Variants in DAPK1 observed in about 807,000 individuals in gnomAD.
DAPK1 encodes death associated protein kinase 1, also known as death-associated protein kinase 1.
Under a neutral mutation model 144.9 loss-of-function variants are expected in DAPK1, and 56 were observed. The ratio of observed to expected loss-of-function variants is 0.39; its 90% CI spans 0.31 to 0.48. The LOEUF (loss-of-function observed/expected upper bound fraction) is 0.48. DAPK1 is among the 20% of genes least tolerant of loss of function. The pLI, the probability that DAPK1 is intolerant of heterozygous loss-of-function variation, is 0.95. For missense variants in DAPK1, 1,454 were observed against 1,875.4 expected (o/e 0.78, Z 4.15); for synonymous variants, 690 against 749.0 (o/e 0.92, Z 1.29).
chr9:87,648,525 A>G (rs992604795), intron 14 of DAPK1: 2 of 433,968 alleles, frequency 4.6e-6, no homozygotes, highest in African/African-American at 3.9e-5. Flanking sequence ...TATCATGGAA[A>G]AGGGAGAGCC....
At chr9:87,571,498 AACACAC>A (rs768913480) in intron 2 of DAPK1, among the ~76,000 whole-genome samples, 5 of 46,504 alleles carry the variant, frequency 1.1e-4, no homozygotes, top group African/African-American at 1.9e-4. Flanking sequence ...CACACACCCC[AACACAC>A]ACACACACAC....
chr9:87,629,029 C>G (rs1475236371), intron 3 of DAPK1, among the ~76,000 whole-genome samples: 3 of 152,128 alleles, frequency 2.0e-5, no homozygotes, highest in Non-Finnish European at 4.4e-5. Context: ...ATTGGATACT[C>G]CCCCACAAAA....
chr9:87,647,299 C>G lies in DAPK1; in HGVS notation c.1231-6C>G, dbSNP rs76063532. 5,047 of 1,613,678 alleles carry G rather than the reference C, an allele frequency of 3.1e-3. 134 individuals carry two copies. The African/African-American group carries it at 0.053, about 17-fold the overall frequency. Reference sequence around the variant, plus strand: ...GAAATGTGACCCCAGGTTGATTTTCCTGCAGGGCGGGTCCAATGCCGTCTA... The same window carrying G: ...GAAATGTGACCCCAGGTTGATTTTCGTGCAGGGCGGGTCCAATGCCGTCTA... On this transcript the variant is annotated splice_region_variant and splice_polypyrimidine_tract_variant and intron_variant, in intron 13 of 25. Coordinates refer to ENST00000408954, the MANE Select transcript of DAPK1 (RefSeq NM_004938.4).
At chr9:87,555,326 A>AT in intron 2 of DAPK1, among the ~76,000 whole-genome samples, 1 of 152,304 alleles carries the variant, frequency 6.6e-6, no homozygotes, top group East Asian at 1.9e-4. Flanking sequence ...CTTAAGCAAC[A>AT]TATCTGCCCT....
At chr9:87,620,598 G>GGGGAGGAGGAGGACCGGGAATAGGACA (rs1829260490) in intron 3 of DAPK1, among the ~76,000 whole-genome samples, 1 of 151,626 alleles carries the variant, frequency 6.6e-6, no homozygotes, top group Admixed American at 6.6e-5. Context: ...GGAGGAGGAA[G>GGGGAGGAGGAGGACCGGGAATAGGACA]GGGAGGAGGA....
chr9:87,512,482 G>T (rs754521574), intron 2 of DAPK1, among the ~76,000 whole-genome samples: 1 of 152,138 alleles, frequency 6.6e-6, no homozygotes, highest in Non-Finnish European at 1.5e-5. Context: ...GCCAAGAAAA[G>T]CCCATTAGGT....
chr9:87,585,281 C>T, intron 2 of DAPK1, among the ~76,000 whole-genome samples: 1 of 152,196 alleles, frequency 6.6e-6, no homozygotes, highest in Non-Finnish European at 1.5e-5. Flanking sequence ...AATCTTGATG[C>T]TTGCCCTTTT....
intron 2 of DAPK1, among the ~76,000 whole-genome samples, chr9:87,604,544 T>G (rs1024666508): frequency 6.6e-6 from 1 of 152,130 alleles, no homozygotes; most frequent in African/African-American, 2.4e-5. Context: ...CAGGACTTCA[T>G]ATATATTTTT....
chr9:87,607,924 G>A (rs1465561796), intron 3 of DAPK1, among the ~76,000 whole-genome samples: 1 of 152,170 alleles, frequency 6.6e-6, no homozygotes, highest in African/African-American at 2.4e-5. Context: ...TCTGCAGGCT[G>A]TACAGGAAGC....
rs1403884716 is a variant in DAPK1 at position 87,707,227 on chromosome 9, C to T, written c.4156C>T (p.Arg1386Trp). 4.3e-6 allele frequency: 7 copies of T among 1,614,138 alleles called. No homozygotes were observed. Among genetic ancestry groups the T allele is most frequent in the East Asian group, 2.2e-5 (1 of 44,876 alleles). Residue 1386 changes from arginine (R) to tryptophan (W), a missense_variant, in exon 26 of 26, where the codon CGG (arginine) becomes TGG (tryptophan). Physicochemically the swap from Arg to Trp is moderately radical, Grantham distance 101. This residue lies in a region of DAPK1 where 1,025 missense variants were observed against 1,237.9 expected (regional missense o/e 0.83). Transcript: ENST00000408954. The surrounding 1 kb of genome is among the most constrained non-coding windows in gnomAD (Gnocchi z 4.0). ...GTCCAAACTGAGGGAGCTGGGTCGC[C>T]GGGATGCCGCAGACTTTTTGCTGAA... is the stretch of plus-strand genomic sequence containing the variant. ...LMSKLRELGR[R>W]DAADFLLKAS...
chr9:87,662,310 T>A (rs1423766150), intron 18 of DAPK1, among the ~76,000 whole-genome samples: 1 of 152,216 alleles, frequency 6.6e-6, no homozygotes, highest in Non-Finnish European at 1.5e-5. Context: ...TTAGGACCTT[T>A]TGTGGTTTCA....
chr9:87,676,388 C>T (rs11141941), intron 19 of DAPK1, among the ~76,000 whole-genome samples: 11,845 of 152,306 alleles, frequency 0.078, 591 homozygotes, highest in East Asian at 0.13. Context: ...GGAGAGGCCT[C>T]TGCGCCACAA....
rs747289073 is a variant in DAPK1, at chr9:87,703,054, G to A, written c.2897G>A (p.Cys966Tyr). The change falls in exon 25 of 26, where the codon TGT becomes TAT. Residue 966 changes from cysteine to tyrosine, a missense_variant. Around this residue, in one of 2 missense-constraint regions of DAPK1, gnomAD observed 1,025 missense variants for 1,237.9 expected, o/e 0.83. Transcript: ENST00000408954. Reference sequence around the variant, plus strand: ...GTCTGTCCTCCCATGACTCACCTGTGTGAGAAAATCATCTCCACGCTGCCT... The same window carrying A: ...GTCTGTCCTCCCATGACTCACCTGTATGAGAAAATCATCTCCACGCTGCCT... ...VSVCPPMTHL[C>Y]EKIISTLPSW... The A allele has an allele frequency of 1.9e-6, 3 of 1,593,910 alleles. No individual in the cohort carries two copies. In the Admixed American group the frequency reaches 5.0e-5, roughly 27 times the overall value.
chr9:87,553,242 G>A (rs904435069), intron 2 of DAPK1, among the ~76,000 whole-genome samples: 1 of 140,486 alleles, frequency 7.1e-6, no homozygotes, highest in Admixed American at 7.0e-5. Context: ...TGTCTGTCAT[G>A]TGGGGGGGGT....
Position 87,707,477 on chromosome 9 carries a change from G to A in DAPK1, c.*113G>A. ...GTGTTTCTTCCTGCACCCACAGCCA[G>A]GGGGATGCCACTCCTCCCTCCGGCT... On this transcript the variant is annotated 3_prime_UTR_variant, in exon 26 of 26. Transcript: ENST00000408954. This position sits in a 1 kb window ranked among gnomAD's most constrained non-coding sequence, Gnocchi z 4.0. 1 of 692,842 alleles carries A rather than the reference G, an allele frequency of 1.4e-6. No individual in the cohort carries two copies. The allele number at this position is 692,842 out of a possible 1,614,324, so 42.9% of individuals were successfully genotyped here. A position where few individuals can be genotyped will look rare whatever the true frequency, so the allele number is the denominator to read the frequency against.
At chr9:87,626,438 AAAAAAC>A (rs774469869) in intron 3 of DAPK1, among the ~76,000 whole-genome samples, 57 of 113,106 alleles carry the variant, frequency 5.0e-4, no homozygotes, top group African/African-American at 1.7e-3. Flanking sequence ...ACAAACAAAC[AAAAAAC>A]AACAACAACA....
chr9:87,510,940 G>GTGCT (rs1376255449), intron 2 of DAPK1, among the ~76,000 whole-genome samples: 1 of 152,238 alleles, frequency 6.6e-6, no homozygotes, highest in African/African-American at 2.4e-5. Flanking sequence ...CACACAGTAA[G>GTGCT]TGCTTGAGAG....
At chr9:87,561,216 A>G (rs1046629765) in intron 2 of DAPK1, among the ~76,000 whole-genome samples, 10 of 152,214 alleles carry the variant, frequency 6.6e-5, no homozygotes, top group East Asian at 3.9e-4. Context: ...GCCCTCCCCA[A>G]TCATTGCTAC....
chr9:87,686,788 G>C lies in DAPK1; in HGVS notation c.2413+49G>C, dbSNP rs1042543544. On this transcript the variant is annotated intron_variant, in intron 21 of 25. Transcript: ENST00000408954. The surrounding 1 kb of genome is among the most constrained non-coding windows in gnomAD (Gnocchi z 4.2). Reference sequence around the variant, plus strand: ...AAGGACCTCAGGTTTCCCTTCAACAGGGTTGTAAGTCATCCCTAAAGGGAG... The same window carrying C: ...AAGGACCTCAGGTTTCCCTTCAACACGGTTGTAAGTCATCCCTAAAGGGAG... The C allele has an allele frequency of 6.8e-6, 10 of 1,475,898 alleles. No individual in the cohort carries two copies. The highest frequency in any genetic ancestry group is 9.4e-6 in the Non-Finnish European group (10 of 1,068,808). The allele number at this position is 1,475,898 out of a possible 1,614,324, so 91.4% of individuals were successfully genotyped here.
Sources: gnomAD v4.1 joint callset for allele counts (sites outside exome capture counted in the v4.1 genomes callset) on GRCh38, gnomAD v4.1.1 for gene constraint, gnomAD v4.1.1 regional missense constraint, Gnocchi (gnomAD v3.1) non-coding constraint, MANE v1.5 for transcripts, NCBI Gene and HGNC (gene_info 2026-07-23, HGNC 2026-07-21) for gene names.